Variants in PIP5K1B observed in about 807,000 individuals in gnomAD.
The protein encoded by PIP5K1B is phosphatidylinositol 4-phosphate 5-kinase type-1 beta.
In PIP5K1B, 42 loss-of-function variants were observed where a neutral mutation model predicts 67.0. The ratio of observed to expected loss-of-function variants is 0.63; its 90% CI spans 0.49 to 0.81. The LOEUF (loss-of-function observed/expected upper bound fraction) is 0.81. Among genes scored for constraint, PIP5K1B ranks in the 30% least tolerant of loss-of-function variants. The pLI, the probability that PIP5K1B is intolerant of heterozygous loss-of-function variation, is 0.00. For synonymous variants in PIP5K1B, 214 were observed against 231.4 expected, an observed-to-expected ratio of 0.92 and a Z score of 0.68; for missense variants, 459 against 646.3, an observed-to-expected ratio of 0.71 and a Z score of 3.14.
chr9:68,941,954 A>G (rs1827580984), intron 14 of PIP5K1B, among the ~76,000 whole-genome samples: 1 of 152,178 alleles, frequency 6.6e-6, no homozygotes, highest in Non-Finnish European at 1.5e-5. Flanking sequence ...AAGTAGATCA[A>G]GTGGGTAGCA....
chr9:68,775,288 A>G (rs561829444), intron 2 of PIP5K1B, among the ~76,000 whole-genome samples: 2 of 152,172 alleles, frequency 1.3e-5, no homozygotes, highest in Non-Finnish European at 2.9e-5. Flanking sequence ...TCACAACTTC[A>G]TGGATAGAGG....
At chr9:68,851,265 T>C (rs1304098603) in intron 4 of PIP5K1B, among the ~76,000 whole-genome samples, 1 of 152,260 alleles carries the variant, frequency 6.6e-6, no homozygotes, top group Non-Finnish European at 1.5e-5. Context: ...TACTGGGATC[T>C]TGTTAAAAGG....
At chr9:68,867,445 C>T (rs1329831560) in intron 5 of PIP5K1B, among the ~76,000 whole-genome samples, 2 of 152,230 alleles carry the variant, frequency 1.3e-5, no homozygotes, top group Non-Finnish European at 2.9e-5. Flanking sequence ...GTGGATTTAG[C>T]AAAGGGATTT....
chr9:68,727,088 T>A (rs1366996572), intron 1 of PIP5K1B, among the ~76,000 whole-genome samples: 1 of 152,150 alleles, frequency 6.6e-6, no homozygotes, highest in Admixed American at 6.6e-5. Flanking sequence ...AAATGAAGAC[T>A]TTAGTACTTA....
chr9:68,889,734 C>CAAAA (rs11349016), intron 7 of PIP5K1B, among the ~76,000 whole-genome samples: 1 of 79,748 alleles, frequency 1.3e-5, no homozygotes, highest in African/African-American at 4.6e-5. Context: ...GACTCCTTCT[C>CAAAA]AAAAAAAAAA....
chr9:68,868,616 C>T (rs1006296407), intron 5 of PIP5K1B, among the ~76,000 whole-genome samples: 1 of 152,158 alleles, frequency 6.6e-6, no homozygotes, highest in Non-Finnish European at 1.5e-5. Flanking sequence ...AAGTGTCCAG[C>T]TTTTATCTTA....
In PIP5K1B at chr9:68,943,449, C is replaced by T. The variant is rs562862978; in HGVS notation, c.1502+2659C>T. 3.3e-5 allele frequency among the ~76,000 whole-genome samples: 5 copies of T among 152,222 alleles called. No individual in the cohort carries two copies. The East Asian group carries it at 9.7e-4, about 29-fold the overall frequency. ...GAGTCAATATCCCTATTTCCCTGACCCACTGTGCCCAACCCTCATTATTCA... is the reference window on the plus strand; with the variant it reads ...GAGTCAATATCCCTATTTCCCTGACTCACTGTGCCCAACCCTCATTATTCA... On this transcript the variant is annotated intron_variant, in intron 14 of 15. Transcript: ENST00000265382.
intron 14 of PIP5K1B, among the ~76,000 whole-genome samples, chr9:68,969,220 T>G (rs1829215217): frequency 6.6e-6 from 1 of 151,724 alleles, no homozygotes; most frequent in Non-Finnish European, 1.5e-5. Flanking sequence ...CACAAAAAAT[T>G]AGCCGGGCAT....
intron 2 of PIP5K1B, among the ~76,000 whole-genome samples, chr9:68,753,109 A>G (rs75135753): frequency 0.14 from 21,088 of 152,044 alleles, 1,570 homozygotes; most frequent in East Asian, 0.17. Context: ...TAGCCAGTTA[A>G]CCAAACTGAT....
intron 14 of PIP5K1B, among the ~76,000 whole-genome samples, chr9:68,975,419 A>G (rs7873239): frequency 0.23 from 35,052 of 152,174 alleles, 4,816 homozygotes; most frequent in East Asian, 0.53. Flanking sequence ...AGAAATATGA[A>G]TTGTACTTTT....
intron 12 of PIP5K1B, among the ~76,000 whole-genome samples, chr9:68,926,447 TTAA>T (rs1826705683): frequency 6.6e-6 from 1 of 152,236 alleles, no homozygotes; most frequent in Non-Finnish European, 1.5e-5. Context: ...TATCTATTTT[TTAA>T]TAATAGCTTT....
At chr9:68,864,832 A>T (rs1823279138) in intron 5 of PIP5K1B, among the ~76,000 whole-genome samples, 5 of 152,312 alleles carry the variant, frequency 3.3e-5, no homozygotes, top group African/African-American at 1.2e-4. Flanking sequence ...ATTGATTTTA[A>T]CATTTCTCTT....
At chr9:68,784,562 TA>T (rs1228307732) in intron 2 of PIP5K1B, 2 of 166,962 alleles carry the variant, frequency 1.2e-5, no homozygotes, top group African/African-American at 4.8e-5. Flanking sequence ...GAGACCAGTT[TA>T]TTTGGCAATA....
At chr9:68,822,275 C>T (rs536821208) in intron 3 of PIP5K1B, 55 of 176,084 alleles carry the variant, frequency 3.1e-4, no homozygotes, top group African/African-American at 1.2e-3. Context: ...GAGCCATGAT[C>T]ACACCACTGC....
At chr9:68,931,557 T>C (rs1020115011) in intron 12 of PIP5K1B, among the ~76,000 whole-genome samples, 3 of 152,114 alleles carry the variant, frequency 2.0e-5, no homozygotes, top group African/African-American at 7.2e-5. Flanking sequence ...AAAGACCAAT[T>C]CTTCCAAAAG....
intron 2 of PIP5K1B, among the ~76,000 whole-genome samples, chr9:68,756,032 T>C (rs2132370739): frequency 6.6e-6 from 1 of 152,338 alleles, no homozygotes; most frequent in East Asian, 1.9e-4. Flanking sequence ...GATTACAGAC[T>C]ATTAACAGTG....
At position 68,859,144 on chromosome 9, in the gene PIP5K1B, T is replaced by C. The variant is rs531083592; in HGVS notation, c.70-4693T>C. ...ATCTCCTGGAGCCACGGTTTCCTTA[T>C]CTATACTATGGCATTAGAAACCCTA... On this transcript the variant is annotated intron_variant, in intron 4 of 15. Transcript: ENST00000265382. 5.9e-5 allele frequency among the ~76,000 whole-genome samples: 9 copies of C among 152,384 alleles called. No individual in the cohort carries two copies. In the South Asian group the frequency reaches 1.7e-3, roughly 28 times the overall value.
chr9:68,942,902 G>A (rs1402113919), intron 14 of PIP5K1B, among the ~76,000 whole-genome samples: 2 of 152,110 alleles, frequency 1.3e-5, no homozygotes, highest in African/African-American at 2.4e-5. Context: ...GGAATTGGGT[G>A]CCTACAAAGT....
intron 4 of PIP5K1B, among the ~76,000 whole-genome samples, chr9:68,834,336 C>T (rs867782960): frequency 6.6e-6 from 1 of 152,194 alleles, no homozygotes; most frequent in East Asian, 1.9e-4. Context: ...ATTCCAGAAA[C>T]AGCTCTATCA....
Sources: gnomAD v4.1 joint callset for allele counts (sites outside exome capture counted in the v4.1 genomes callset) on GRCh38, gnomAD v4.1.1 for gene constraint, MANE v1.5 for transcripts, NCBI Gene and HGNC (gene_info 2026-07-23, HGNC 2026-07-21) for gene names.